KLC3: variants seen among roughly 807,000 people sequenced by gnomAD.
KLC3 encodes kinesin light chain 3.
A neutral mutation model predicts 62.9 loss-of-function variants in KLC3; 72 were observed. The observed-to-expected ratio is 1.15, with a 90% CI of 0.95 to 1.39. The LOEUF is 1.39. Ranked by LOEUF, KLC3 falls within the 40% of genes most tolerant of loss-of-function variation. The probability of loss-of-function intolerance (pLI) is 0.00; values close to 1 mark genes in which losing one functional copy is unlikely to be tolerated. For synonymous variants in KLC3, 377 were observed against 300.5 expected, an observed-to-expected ratio of 1.25 and a Z score of -2.63; for missense variants, 848 against 691.6, an observed-to-expected ratio of 1.23 and a Z score of -2.54.
chr19:45,350,943 CCT>C lies in KLC3; in HGVS notation c.1380-8_1380-7del, dbSNP rs1971731082. ...GATTCACTCATTTCCTCCCTGCTGC[CCT>C]CTTTGCAGAATGAAGAGAGCCATGT... is the stretch of plus-strand genomic sequence containing the variant. On this transcript the variant is annotated splice_polypyrimidine_tract_variant and intron_variant, in intron 11 of 12. Transcript: ENST00000391946. 2 of 1,613,586 alleles carry C rather than the reference CCT, an allele frequency of 1.2e-6. No homozygotes were observed. Among genetic ancestry groups the C allele is most frequent in the East Asian group, 2.2e-5 (1 of 44,874 alleles).
rs1046394120 is a variant in KLC3 at position 45,350,288 on chromosome 19, G to A, written c.1144-53G>A. Reference sequence around the variant, plus strand: ...AAAAAAAAAAAAGGCGGGACTGGATGCAGTGTTGGGAACTGGGGTCCGAAA... The same window carrying A: ...AAAAAAAAAAAAGGCGGGACTGGATACAGTGTTGGGAACTGGGGTCCGAAA... On this transcript the variant is annotated intron_variant, in intron 8 of 12. Coordinates refer to ENST00000391946, the MANE Select transcript of KLC3 (RefSeq NM_177417.3). 1.1e-5 allele frequency: 14 copies of A among 1,319,372 alleles called. No homozygotes were observed. In the East Asian group the frequency reaches 1.4e-4, roughly 13 times the overall value. The allele number at this position is 1,319,372 out of a possible 1,614,324, so 81.7% of individuals were successfully genotyped here. A position where few individuals can be genotyped will look rare whatever the true frequency, so the allele number is the denominator to read the frequency against.
At chr19:45,347,353 AAAAC>A (rs1401327410) in intron 3 of KLC3, 90 bp from the exon 4 acceptor site, 30 of 940,574 alleles carry the variant, frequency 3.2e-5, no homozygotes, top group Middle Eastern at 2.4e-4. Flanking sequence ...AAAAAAAAAA[AAAAC>A]AAAAAAACAA....
chr19:45,348,020 C>T lies in KLC3; in HGVS notation c.639C>T (p.Leu213=), dbSNP rs371405645. Reference sequence around the variant, plus strand: ...CCCGCCTTCGGACCCTGCATAACCTCGTGATCCAGTACGCGGGGCAGGGCC... The same window carrying T: ...CCCGCCTTCGGACCCTGCATAACCTTGTGATCCAGTACGCGGGGCAGGGCC... ...IPARLRTLHN[L]VIQYAGQGRY... is the part of the protein sequence containing the mutation. Residue 213 remains leucine, a synonymous_variant, in exon 5 of 13, where the codon CTC becomes CTT. Coordinates refer to ENST00000391946, the MANE Select transcript of KLC3 (RefSeq NM_177417.3). 38 of 1,608,982 alleles carry T rather than the reference C, an allele frequency of 2.4e-5. No individual in the cohort carries two copies. Among genetic ancestry groups the T allele is most frequent in the African/African-American group, 1.3e-4 (10 of 74,866 alleles).
chr19:45,348,896 A>C lies in KLC3; in HGVS notation c.944A>C (p.Gln315Pro). The C allele has an allele frequency of 1.9e-6, 3 of 1,586,068 alleles. No homozygotes were observed. The highest frequency in any genetic ancestry group is 2.6e-6 in the Non-Finnish European group (3 of 1,166,540). Reference sequence around the variant, plus strand: ...TACCGGGAGGCAGAGCCCCTGTGCCAGCGCGCTTTGGAGATCCGAGAGAAG... The same window carrying C: ...TACCGGGAGGCAGAGCCCCTGTGCCCGCGCGCTTTGGAGATCCGAGAGAAG... ...GRYREAEPLC[Q>P]RALEIREKVL... Residue 315 changes from glutamine (Q) to proline (P), a missense_variant, in exon 7 of 13, where the codon CAG (glutamine) becomes CCG (proline). By Grantham distance (76) the Gln-to-Pro change is moderately conservative (BLOSUM62 -1). Coordinates refer to ENST00000391946, the MANE Select transcript of KLC3 (RefSeq NM_177417.3).
chr19:45,341,768 CGTGTGTGCGTGTGTGTGT>C (rs1029013971), intron 1 of KLC3, among the ~76,000 whole-genome samples: 9 of 49,992 alleles, frequency 1.8e-4, no homozygotes, highest in Non-Finnish European at 3.3e-4. Flanking sequence ...TGTGTGAAGC[CGTGTGTGCGTGTGTGTGT>C]GTGTGTGTGT....
Position 45,351,301 on chromosome 19 carries a change from C to G in KLC3, c.1459C>G (p.Leu487Val). The stretch of plus-strand genomic sequence containing the variant: ...CTGTCTCCAGTTTCCCAGCTGGCAC[C>G]TGGACAAGGCCCCTCGGACCCTCAG... ...APGTQFPSWH[L>V]DKAPRTLSAS... The change falls in exon 13 of 13, where the codon CTG becomes GTG. Residue 487 changes from leucine to valine, a missense_variant. Coordinates refer to ENST00000391946, the MANE Select transcript of KLC3 (RefSeq NM_177417.3). The G allele has an allele frequency of 6.2e-7, 1 of 1,612,702 alleles. No individual in the cohort carries two copies. The highest frequency in any genetic ancestry group is 8.5e-7 in the Non-Finnish European group (1 of 1,179,992).
intron 6 of KLC3, 29 bp from the exon 7 acceptor site, chr19:45,348,791 C>T: frequency 6.4e-7 from 1 of 1,562,506 alleles, no homozygotes; most frequent in South Asian, 1.2e-5. Flanking sequence ...CCTGCCCATC[C>T]CTGACCTGTG....
chr19:45,348,766 C>G (rs368866044), intron 6 of KLC3, 33 bp downstream of exon 6: 39 of 1,562,938 alleles, frequency 2.5e-5, no homozygotes, highest in Non-Finnish European at 3.3e-5. Flanking sequence ...GAAGTGGGGT[C>G]AAAGTGGGGC....
rs1386540605 is a variant in KLC3, at chr19:45,351,298, C to T, written c.1456C>T (p.His486Tyr). ...RAPGTQFPSW[H>Y]LDKAPRTLSA... ...TGCCTGTCTCCAGTTTCCCAGCTGGCACCTGGACAAGGCCCCTCGGACCCT... is the reference window on the plus strand; with the variant it reads ...TGCCTGTCTCCAGTTTCCCAGCTGGTACCTGGACAAGGCCCCTCGGACCCT... Residue 486 changes from histidine to tyrosine, a missense_variant, in exon 13 of 13, where the codon CAC becomes TAC. Physicochemically the swap from His to Tyr is moderately conservative, Grantham distance 83. Coordinates refer to ENST00000391946, the MANE Select transcript of KLC3 (RefSeq NM_177417.3). The T allele has an allele frequency of 3.1e-6, 5 of 1,612,534 alleles. No individual in the cohort carries two copies. In the African/African-American group the frequency reaches 4.0e-5, roughly 13 times the overall value.
intron 1 of KLC3, among the ~76,000 whole-genome samples, chr19:45,341,186 T>TTGTGTGTGTGTGTG (rs113240301): frequency 3.8e-4 from 42 of 111,926 alleles, no homozygotes; most frequent in African/African-American, 1.5e-3. Context: ...CTGCCTGTGT[T>TTGTGTGTGTGTGTG]TGTGTGTGTG....
At position 45,346,553 on chromosome 19, in the gene KLC3, G is replaced by A; in HGVS notation, c.268G>A (p.Ala90Thr). The A allele has an allele frequency of 6.5e-7, 1 of 1,534,824 alleles. No homozygotes were observed. Among genetic ancestry groups the A allele is most frequent in the Non-Finnish European group, 8.8e-7 (1 of 1,137,348 alleles). The change falls in exon 3 of 13, where the codon GCC (alanine) becomes ACC (threonine). Residue 90 changes from alanine (A) to threonine (T), a missense_variant. Ala to Thr is a moderately conservative substitution (Grantham distance 58). Coordinates refer to ENST00000391946, the MANE Select transcript of KLC3 (RefSeq NM_177417.3). ...LGLGEAQVLL[A>T]LSAHVGALEA... The stretch of plus-strand genomic sequence containing the variant: ...CCCCCACCCCGGGCAGGTGCTGCTG[G>A]CCCTGTCGGCACATGTGGGTGCACT...
At chr19:45,341,186 T>TG (rs1568519123) in intron 1 of KLC3, among the ~76,000 whole-genome samples, 5,469 of 111,876 alleles carry the variant, frequency 0.049, 158 homozygotes, top group Middle Eastern at 0.089. Context: ...CTGCCTGTGT[T>TG]TGTGTGTGTG....
chr19:45,342,634 C>T (rs1240641969), intron 1 of KLC3, among the ~76,000 whole-genome samples: 4 of 151,842 alleles, frequency 2.6e-5, no homozygotes, highest in African/African-American at 4.8e-5. Context: ...GGTGTGGTGG[C>T]GGGCACCTGT....
rs368706673 is a variant in KLC3 at position 45,348,635 on chromosome 19, G to GC, written c.780-5dup. On this transcript the variant is annotated splice_polypyrimidine_tract_variant and intron_variant, in intron 5 of 12. Coordinates refer to ENST00000391946, the MANE Select transcript of KLC3 (RefSeq NM_177417.3). ...GGCTAACCCCCTCCATTCCTGGGGC[G>GC]CCCCCCACAGGGACCAGAACAAGTA... 5.8e-6 allele frequency: 9 copies of GC among 1,563,888 alleles called. No homozygotes were observed. The East Asian group carries it at 9.6e-5, about 17-fold the overall frequency.
Position 45,348,631 on chromosome 19 carries a change from G to C in KLC3, c.780-15G>C, listed in dbSNP as rs1197327820. 2.6e-6 allele frequency: 4 copies of C among 1,561,402 alleles called. No individual in the cohort carries two copies. The highest frequency in any genetic ancestry group is 2.7e-5 in the African/African-American group (2 of 73,450). ...CCTTGGCTAACCCCCTCCATTCCTG[G>C]GGCGCCCCCCACAGGGACCAGAACA... On this transcript the variant is annotated splice_polypyrimidine_tract_variant and intron_variant, in intron 5 of 12. Transcript: ENST00000391946.
At chr19:45,349,658 GCACCCATT>G in intron 8 of KLC3, 56 bp downstream of exon 8, 1 of 1,420,330 alleles carries the variant, frequency 7.0e-7, no homozygotes. Flanking sequence ...CCCTGGGGAG[GCACCCATT>G]GGTTGGATAC....
At position 45,347,497 on chromosome 19, in the gene KLC3, C is replaced by CGAG. The variant is rs542249645; in HGVS notation, c.550_552dup (p.Glu184dup). On this transcript the variant is annotated inframe_insertion, in exon 4 of 13. Transcript: ENST00000391946. ...ACAGCCTGGCCTCCCTGTTCCCCAG[C>CGAG]GAGGAGGAGGAGAGGAAAGGTGGGT... 6 of 1,612,272 alleles carry CGAG rather than the reference C, an allele frequency of 3.7e-6. No homozygotes were observed. Among genetic ancestry groups the CGAG allele is most frequent in the East Asian group, 2.2e-5 (1 of 44,802 alleles).
chr19:45,350,673 C>CCGTGAGTCTATCAGG lies in KLC3; in HGVS notation c.1308_1322dup (p.Glu437_Arg441dup), dbSNP rs568420095. The CCGTGAGTCTATCAGG allele has an allele frequency of 1.3e-4, 213 of 1,613,906 alleles. 1 individual carries two copies. In the East Asian group the frequency reaches 4.4e-3, roughly 33 times the overall value. On this transcript the variant is annotated inframe_insertion, in exon 11 of 13. Coordinates refer to ENST00000391946, the MANE Select transcript of KLC3 (RefSeq NM_177417.3). ...GCCGCAGCAGCTCACTCTCCAAGATCCGTGAGTCTATCAGGCGAGGAAGTG... is the reference window on the plus strand; with the variant it reads ...GCCGCAGCAGCTCACTCTCCAAGATCCGTGAGTCTATCAGGCGTGAGTCTATCAGGCGAGGAAGTG...
Position 45,349,505 on chromosome 19 carries a change from T to G in KLC3, c.1046T>G (p.Phe349Cys). ...LALLCQNQGK[F>C]EDVERHYARA... The stretch of plus-strand genomic sequence containing the variant: ...CTGCTGTGCCAGAACCAGGGCAAGT[T>G]TGAGGACGTGGAGCGGCACTATGCC... The change falls in exon 8 of 13, where the codon TTT becomes TGT. Residue 349 changes from phenylalanine to cysteine, a missense_variant. Coordinates refer to ENST00000391946, the MANE Select transcript of KLC3 (RefSeq NM_177417.3). 1 of 1,613,734 alleles carries G rather than the reference T, an allele frequency of 6.2e-7. No individual in the cohort carries two copies. Among genetic ancestry groups the G allele is most frequent in the Non-Finnish European group, 8.5e-7 (1 of 1,179,896 alleles).
Sources: allele counts gnomAD v4.1 joint callset (sites outside exome capture counted in the v4.1 genomes callset), GRCh38; gene constraint gnomAD v4.1.1; transcripts MANE v1.5; gene names NCBI Gene and HGNC (gene_info 2026-07-23, HGNC 2026-07-21).